Variants in SOS1 observed in about 807,000 individuals in gnomAD.
SOS1 encodes the protein SOS Ras/Rac guanine nucleotide exchange factor 1.
Under a neutral mutation model 157.6 loss-of-function variants are expected in SOS1, and 25 were observed. The observed-to-expected ratio is 0.16, with a 90% CI of 0.12 to 0.22. SOS1 has a LOEUF of 0.22. SOS1 is among the 10% of genes least tolerant of loss of function. The probability of loss-of-function intolerance (pLI) is 1.00; values close to 1 mark genes in which losing one functional copy is unlikely to be tolerated. For synonymous variants in SOS1, 528 were observed against 534.0 expected, an observed-to-expected ratio of 0.99 and a Z score of 0.16; for missense variants, 1,237 against 1,599.1, an observed-to-expected ratio of 0.77 and a Z score of 3.86.
intron 1 of SOS1, among the ~76,000 whole-genome samples, chr2:39,110,999 G>A (rs961027345): frequency 3.3e-5 from 5 of 152,314 alleles, no homozygotes; most frequent in Non-Finnish European, 5.9e-5. Context: ...TTGGGAGGGC[G>A]AGGCAGGTGG....
chr2:39,116,885 A>G (rs1367843345), intron 1 of SOS1, among the ~76,000 whole-genome samples: 1 of 152,150 alleles, frequency 6.6e-6, no homozygotes, highest in Admixed American at 6.5e-5. Flanking sequence ...AAACTTTATC[A>G]ATGGCTTCTA....
At chr2:39,014,878 AC>A in intron 10 of SOS1, 32 bp from the exon 11 acceptor site, 1 of 1,090,336 alleles carries the variant, frequency 9.2e-7, no homozygotes, top group African/African-American at 1.5e-5. Flanking sequence ...ATCTTATTAA[AC>A]TCTATGATTC....
chr2:39,045,883 A>ATT (rs372460237), intron 6 of SOS1, among the ~76,000 whole-genome samples: 2 of 147,180 alleles, frequency 1.4e-5, no homozygotes, highest in African/African-American at 5.0e-5. Context: ...TAATTTTTGT[A>ATT]TTTTTTTTTT....
intron 6 of SOS1, among the ~76,000 whole-genome samples, chr2:39,044,804 A>G (rs143050411): frequency 3.3e-5 from 5 of 152,238 alleles, no homozygotes; most frequent in African/African-American, 1.2e-4. Flanking sequence ...AGGGAGTCCT[A>G]GAACCAATTC....
intron 6 of SOS1, among the ~76,000 whole-genome samples, chr2:39,039,153 C>T (rs1026681507): frequency 6.6e-6 from 1 of 152,170 alleles, no homozygotes; most frequent in Non-Finnish European, 1.5e-5. Flanking sequence ...AGACATAATG[C>T]TACTGCATGC....
At chr2:39,111,162 G>A (rs1673420075) in intron 1 of SOS1, among the ~76,000 whole-genome samples, 1 of 152,208 alleles carries the variant, frequency 6.6e-6, no homozygotes, top group African/African-American at 2.4e-5. Context: ...GAACCCAGGA[G>A]GCGGAGGTTA....
chr2:39,029,251 T>C (rs1670075621), intron 8 of SOS1, among the ~76,000 whole-genome samples: 1 of 152,202 alleles, frequency 6.6e-6, no homozygotes, highest in Non-Finnish European at 1.5e-5. Context: ...TGAAAACATA[T>C]CTTTTAAAAC....
chr2:39,007,148 C>A lies in SOS1; in HGVS notation c.2556G>T (p.Val852=), dbSNP rs1287837216. 6.2e-7 allele frequency: 1 copy of A among 1,606,002 alleles called. No homozygotes were observed. ...TENLEERVAV[V]SRIIEILQVF... is the part of the protein sequence containing the mutation. Reference sequence around the variant, plus strand: ...CTTGTAGAATCTCAATAATTCGACTCACCACAGCTACTCTTTCTTCTAAAT... The same window carrying A: ...CTTGTAGAATCTCAATAATTCGACTAACCACAGCTACTCTTTCTTCTAAAT... The change falls in exon 16 of 23, where the codon GTG becomes GTT. Residue 852 remains valine, a synonymous_variant. Transcript: ENST00000402219.
intron 1 of SOS1, among the ~76,000 whole-genome samples, chr2:39,086,201 C>T (rs1334596096): frequency 6.6e-6 from 1 of 152,114 alleles, no homozygotes; most frequent in East Asian, 1.9e-4. Flanking sequence ...AAGTTGAAAG[C>T]TGAAGGGTGA....
intron 20 of SOS1, among the ~76,000 whole-genome samples, chr2:38,991,631 T>A (rs1036644375): frequency 3.3e-5 from 5 of 152,210 alleles, no homozygotes; most frequent in Admixed American, 2.0e-4. Flanking sequence ...GTGGCAGCAC[T>A]AAGTACGTGG....
At chr2:39,085,290 C>G (rs1227646654) in intron 1 of SOS1, among the ~76,000 whole-genome samples, 1 of 152,222 alleles carries the variant, frequency 6.6e-6, no homozygotes, top group Admixed American at 6.5e-5. Context: ...TCAAGCGATC[C>G]TCCTGCCTTG....
At chr2:39,042,459 A>C (rs1264710852) in intron 6 of SOS1, among the ~76,000 whole-genome samples, 1 of 152,070 alleles carries the variant, frequency 6.6e-6, no homozygotes, top group Admixed American at 6.6e-5. Flanking sequence ...GCTGGAGTGC[A>C]GTGGCACAAT....
At chr2:38,989,744 CA>C (rs1374253513) in intron 20 of SOS1, among the ~76,000 whole-genome samples, 1 of 151,952 alleles carries the variant, frequency 6.6e-6, no homozygotes, top group Non-Finnish European at 1.5e-5. Context: ...ATATGTCTTT[CA>C]AAAATGTTCT....
chr2:39,112,057 C>T (rs1358670275), intron 1 of SOS1, among the ~76,000 whole-genome samples: 1 of 152,118 alleles, frequency 6.6e-6, no homozygotes, highest in Non-Finnish European at 1.5e-5. Flanking sequence ...CCTATCTACT[C>T]CCACTATCCT....
At chr2:39,081,576 G>A (rs1024969086) in intron 1 of SOS1, among the ~76,000 whole-genome samples, 4 of 151,906 alleles carry the variant, frequency 2.6e-5, no homozygotes, top group African/African-American at 7.3e-5. Flanking sequence ...TGTAATCCCG[G>A]CACTTTGGGA....
chr2:39,108,210 T>C (rs938530788), intron 1 of SOS1, among the ~76,000 whole-genome samples: 15 of 152,296 alleles, frequency 9.8e-5, no homozygotes, highest in African/African-American at 3.6e-4. Context: ...ACTGCTCTAA[T>C]CAAAGCCACC....
intron 6 of SOS1, among the ~76,000 whole-genome samples, chr2:39,039,180 T>C (rs993691798): frequency 1.3e-5 from 2 of 152,244 alleles, no homozygotes; most frequent in African/African-American, 4.8e-5. Context: ...GACCACAGGA[T>C]AGTGTAAACA....
At position 39,025,343 on chromosome 2, in the gene SOS1, G is replaced by A. The variant is rs1020536533; in HGVS notation, c.1075-1206C>T. 3.0e-4 allele frequency among the ~76,000 whole-genome samples: 45 copies of A among 151,902 alleles called. 1 individual carries two copies. Among genetic ancestry groups the A allele is most frequent in the Admixed American group, 1.9e-3 (29 of 15,252 alleles). On this transcript the variant is annotated intron_variant, in intron 8 of 22. Transcript: ENST00000402219. ...TGAAATATTCAAAGTGATTTATAAA[G>A]AAGTTTATTTTTCTTTTTTTTTTTT...
chr2:39,089,634 T>C (rs1488773501), intron 1 of SOS1, among the ~76,000 whole-genome samples: 1 of 152,044 alleles, frequency 6.6e-6, no homozygotes, highest in African/African-American at 2.4e-5. Context: ...GCAATAGTAT[T>C]GGATTATAAC....
Sources: allele counts gnomAD v4.1 joint callset (sites outside exome capture counted in the v4.1 genomes callset), GRCh38; gene constraint gnomAD v4.1.1; transcripts MANE v1.5; gene names NCBI Gene and HGNC (gene_info 2026-07-23, HGNC 2026-07-21).